BMPER: variants seen among roughly 807,000 people sequenced by gnomAD.
The protein encoded by BMPER is BMP-binding endothelial regulator protein.
In BMPER, 45 loss-of-function variants were observed where a neutral mutation model predicts 87.3. The observed-to-expected ratio is 0.52, with a 90% CI of 0.41 to 0.66. The LOEUF is 0.66. Among genes scored for constraint, BMPER ranks in the 30% least tolerant of loss-of-function variants. BMPER has a pLI of 0.00. For missense variants in BMPER, 784 were observed against 867.5 expected (o/e 0.90, Z 1.21); for synonymous variants, 326 against 316.2 (o/e 1.03, Z -0.33).
intron 6 of BMPER, among the ~76,000 whole-genome samples, chr7:33,990,035 G>A (rs1786158799): frequency 1.3e-5 from 2 of 151,816 alleles, no homozygotes; most frequent in South Asian, 4.2e-4. Context: ...AGTATAGTTT[G>A]AAGTCAGGTA....
intron 6 of BMPER, among the ~76,000 whole-genome samples, chr7:34,045,673 GTTC>G (rs1787943409): frequency 6.6e-6 from 1 of 152,190 alleles, no homozygotes; most frequent in South Asian, 2.1e-4. Flanking sequence ...CAGTGAAATA[GTTC>G]TTCTGAATAT....
At chr7:34,083,235 A>G (rs1173984343) in intron 12 of BMPER, among the ~76,000 whole-genome samples, 1 of 152,194 alleles carries the variant, frequency 6.6e-6, no homozygotes, top group African/African-American at 2.4e-5. Flanking sequence ...TGATAGTTGT[A>G]GTTGCCAGAG....
chr7:34,032,291 A>G (rs1787549650), intron 6 of BMPER, among the ~76,000 whole-genome samples: 1 of 152,006 alleles, frequency 6.6e-6, no homozygotes, highest in South Asian at 2.1e-4. Flanking sequence ...TCCTTGATTT[A>G]GAATCTGGAA....
At position 33,905,762 on chromosome 7, in the gene BMPER, GGAGGGACCGGCCCTCCGGGACGCCGGT is replaced by G; in HGVS notation, c.133+17_133+43del. ...TTCTTGACAGGTAGGGGAGGGGGCGGGAGGGACCGGCCCTCCGGGACGCCGGTTTGGTACCTGGGAAAGGTGGCGCTG... is the reference window on the plus strand; with the variant it reads ...TTCTTGACAGGTAGGGGAGGGGGCGGTTGGTACCTGGGAAAGGTGGCGCTG... On this transcript the variant is annotated intron_variant, in intron 1 of 14. Coordinates refer to ENST00000649409, the MANE Select transcript of BMPER (RefSeq NM_001365308.1). The G allele has an allele frequency of 6.3e-7, 1 of 1,591,468 alleles. No homozygotes were observed. Among genetic ancestry groups the G allele is most frequent in the Non-Finnish European group, 8.6e-7 (1 of 1,162,792 alleles).
chr7:34,098,875 G>A (rs1378624661), intron 13 of BMPER, among the ~76,000 whole-genome samples: 1 of 152,116 alleles, frequency 6.6e-6, no homozygotes, highest in African/African-American at 2.4e-5. Context: ...AGCTGAGTTT[G>A]GTATTTACTT....
chr7:34,015,493 C>G (rs532841318), intron 6 of BMPER, among the ~76,000 whole-genome samples: 57 of 152,022 alleles, frequency 3.7e-4, no homozygotes, highest in Non-Finnish European at 7.4e-4. Context: ...ATTACTGTTC[C>G]TAATAGCTGG....
At chr7:34,034,017 G>C (rs1334463064) in intron 6 of BMPER, among the ~76,000 whole-genome samples, 1 of 152,122 alleles carries the variant, frequency 6.6e-6, no homozygotes, top group Non-Finnish European at 1.5e-5. Context: ...TCTTGAGAAA[G>C]ACCTTTGGAG....
chr7:33,974,738 A>G lies in BMPER; in HGVS notation c.530A>G (p.Glu177Gly). ...VFEGVQYQEGEEFQPEGSKCT... is the reference protein window; with the variant it reads ...VFEGVQYQEGGEFQPEGSKCT... ...GAGGGTGTGCAGTATCAAGAAGGGG[A>G]GGAATTTCAGCCAGAAGGAAGCAAA... Residue 177 changes from glutamate to glycine, a missense_variant, in exon 6 of 15, where the codon GAG becomes GGG. Transcript: ENST00000649409. The G allele has an allele frequency of 6.2e-7, 1 of 1,613,938 alleles. No individual in the cohort carries two copies. The highest frequency in any genetic ancestry group is 8.5e-7 in the Non-Finnish European group (1 of 1,179,978).
chr7:33,975,936 A>G (rs1229152723), intron 6 of BMPER, among the ~76,000 whole-genome samples: 1 of 152,096 alleles, frequency 6.6e-6, no homozygotes, highest in Non-Finnish European at 1.5e-5. Context: ...GGGGAGAAGG[A>G]GGTAAAAAAG....
chr7:33,948,851 A>G (rs1784951777), intron 3 of BMPER, among the ~76,000 whole-genome samples: 1 of 152,198 alleles, frequency 6.6e-6, no homozygotes, highest in Admixed American at 6.5e-5. Flanking sequence ...GAATGGACTA[A>G]TACAGTATCA....
rs567091040 is a variant in BMPER at position 33,947,952 on chromosome 7, C to T, written c.319+10564C>T. Reference sequence around the variant, plus strand: ...TAAAAAAACTCTTATATGAAAATAACGACACTTTCTGTGTTGACAGAGTGA... The same window carrying T: ...TAAAAAAACTCTTATATGAAAATAATGACACTTTCTGTGTTGACAGAGTGA... On this transcript the variant is annotated intron_variant, in intron 3 of 14. Transcript: ENST00000649409. Among the ~76,000 whole-genome samples, 182 of 152,088 alleles carry T rather than the reference C, an allele frequency of 1.2e-3. 2 individuals carry two copies. The highest frequency in any genetic ancestry group is 2.3e-3 in the Non-Finnish European group (154 of 67,982).
intron 6 of BMPER, among the ~76,000 whole-genome samples, chr7:33,979,517 C>T (rs1319398031): frequency 1.3e-5 from 2 of 152,116 alleles, no homozygotes; most frequent in Non-Finnish European, 2.9e-5. Flanking sequence ...TGGCACCCTT[C>T]TTCTTTCCTA....
intron 6 of BMPER, among the ~76,000 whole-genome samples, chr7:34,042,386 T>C (rs1787855346): frequency 6.6e-6 from 1 of 152,160 alleles, no homozygotes; most frequent in South Asian, 2.1e-4. Context: ...AAGAATACAG[T>C]CATTTGTCCT....
At chr7:34,015,238 G>A (rs1786988372) in intron 6 of BMPER, among the ~76,000 whole-genome samples, 2 of 151,916 alleles carry the variant, frequency 1.3e-5, no homozygotes, top group Admixed American at 1.3e-4. Flanking sequence ...CTTTTCCTGT[G>A]TGACCTTGGA....
At chr7:34,045,346 G>A (rs990535247) in intron 6 of BMPER, among the ~76,000 whole-genome samples, 1 of 151,678 alleles carries the variant, frequency 6.6e-6, no homozygotes, top group East Asian at 1.9e-4. Context: ...CCAGCTTTCT[G>A]AATATGAAGT....
intron 5 of BMPER, among the ~76,000 whole-genome samples, chr7:33,971,105 G>GT (rs202080311): frequency 3.8e-4 from 57 of 150,472 alleles, no homozygotes; most frequent in African/African-American, 1.0e-3. Flanking sequence ...TCTGCATTTT[G>GT]TTTTTTTTGT....
intron 6 of BMPER, among the ~76,000 whole-genome samples, chr7:34,012,264 T>C (rs1433500603): frequency 1.3e-5 from 2 of 151,886 alleles, no homozygotes; most frequent in South Asian, 2.1e-4. Context: ...CTCATTTAAA[T>C]TGTAGTCTTC....
chr7:34,090,072 G>A (rs916825672), intron 13 of BMPER, among the ~76,000 whole-genome samples: 1 of 152,236 alleles, frequency 6.6e-6, no homozygotes, highest in East Asian at 1.9e-4. Context: ...AACTGAATAT[G>A]TTTGGGTGCA....
At chr7:34,063,717 G>C (rs1020169100) in intron 11 of BMPER, among the ~76,000 whole-genome samples, 17 of 152,308 alleles carry the variant, frequency 1.1e-4, no homozygotes, top group African/African-American at 3.4e-4. Context: ...AAACCCTGAG[G>C]AAACTTTGTT....
Sources: allele counts gnomAD v4.1 joint callset (sites outside exome capture counted in the v4.1 genomes callset), GRCh38; gene constraint gnomAD v4.1.1; transcripts MANE v1.5; gene names NCBI Gene and HGNC (gene_info 2026-07-23, HGNC 2026-07-21).